The following NCKAP5L variants were observed in gnomAD, a reference collection of about 807,000 sequenced individuals.
NCKAP5L encodes the protein nck-associated protein 5-like.
NCKAP5L carries 54 observed loss-of-function variants against 103.2 expected under a neutral mutation model. That is an observed-to-expected ratio of 0.52 (90% CI 0.42 to 0.66). The LOEUF is 0.66. NCKAP5L is among the 30% of genes least tolerant of loss of function. The pLI, the probability that NCKAP5L is intolerant of heterozygous loss-of-function variation, is 0.00. For synonymous variants in NCKAP5L, 762 were observed against 748.6 expected (o/e 1.02, Z -0.29); for missense variants, 1,733 against 1,750.6 (o/e 0.99, Z 0.18).
chr12:49,793,220 G>A (rs1592745739), intron 10 of NCKAP5L, 132 bp downstream of exon 10: 3 of 941,828 alleles, frequency 3.2e-6, no homozygotes, highest in Admixed American at 4.3e-5. Context: ...TAGCTCCAGT[G>A]CCCACCTGGT....
chr12:49,792,983 C>A lies in NCKAP5L; in HGVS notation c.3344G>T (p.Cys1115Phe). ...GTCCAAGGTTCGAGTCAAGGAGCCA[C>A]AGGCTGGGGAGGGGAGGGGAGGGCC... is the stretch of plus-strand genomic sequence containing the variant. ...EPVPTSHFTA[C>F]GSLTRTLDSG... Residue 1115 changes from cysteine (C) to phenylalanine (F), a missense_variant, in exon 11 of 13, where the codon TGT becomes TTT. Transcript: ENST00000335999. This position sits in a 1 kb window ranked among gnomAD's most constrained non-coding sequence, Gnocchi z 4.5. 1 of 1,534,362 alleles carries A rather than the reference C, an allele frequency of 6.5e-7. No individual in the cohort carries two copies. Among genetic ancestry groups the A allele is most frequent in the Non-Finnish European group, 8.7e-7 (1 of 1,148,198 alleles).
intron 1 of NCKAP5L, among the ~76,000 whole-genome samples, chr12:49,819,936 C>T (rs1946342516): frequency 1.3e-5 from 2 of 152,230 alleles, no homozygotes; most frequent in African/African-American, 4.8e-5. Flanking sequence ...AGTGAGGAGG[C>T]AGAAACCTCT....
intron 1 of NCKAP5L, among the ~76,000 whole-genome samples, chr12:49,821,646 G>A (rs1946363362): frequency 6.6e-6 from 1 of 152,244 alleles, no homozygotes; most frequent in African/African-American, 2.4e-5. Flanking sequence ...TATAGCACAT[G>A]TCCTTTCTTT....
rs1945929331 is a variant in NCKAP5L at position 49,791,232 on chromosome 12, T to C, written c.*607A>G. ...AGCCGCATTTTAAACAACACATAAA[T>C]TAACCGCAGTGCGGGGCTGGGGGCT... is the stretch of plus-strand genomic sequence containing the variant. On this transcript the variant is annotated 3_prime_UTR_variant, in exon 13 of 13. Coordinates refer to ENST00000335999, the MANE Select transcript of NCKAP5L (RefSeq NM_001037806.4). The C allele has an allele frequency of 6.6e-6, 1 of 152,634 alleles. No individual in the cohort carries two copies. Among genetic ancestry groups the C allele is most frequent in the South Asian group, 2.1e-4 (1 of 4,850 alleles). 9.5% of individuals were successfully genotyped at this position (152,634 alleles called of 1,614,324 possible).
chr12:49,797,505 G>A lies in NCKAP5L; in HGVS notation c.466-111C>T, dbSNP rs1201562926. On this transcript the variant is annotated intron_variant, in intron 7 of 12. Coordinates refer to ENST00000335999, the MANE Select transcript of NCKAP5L (RefSeq NM_001037806.4). This position sits in a 1 kb window ranked among gnomAD's most constrained non-coding sequence, Gnocchi z 4.5. ...GGAATGCCAGGAACAGAGCTGGCCT[G>A]GTTGTGTCTGTGTCCCCAAAAGGAA... 20 of 782,112 alleles carry A rather than the reference G, an allele frequency of 2.6e-5. No homozygotes were observed. The East Asian group carries it at 5.4e-4, about 21-fold the overall frequency. The allele number at this position is 782,112 out of a possible 1,614,324, so 48.4% of individuals were successfully genotyped here.
At position 49,793,437 on chromosome 12, in the gene NCKAP5L, T is replaced by G; in HGVS notation, c.3259-4A>C. On this transcript the variant is annotated splice_region_variant and splice_polypyrimidine_tract_variant and intron_variant, in intron 9 of 12. Transcript: ENST00000335999. ...GCCTCCCTGGCTCGCTGCTCGGCTGTGTGGGATACAGGAGACCTCATAGTC... is the reference window on the plus strand; with the variant it reads ...GCCTCCCTGGCTCGCTGCTCGGCTGGGTGGGATACAGGAGACCTCATAGTC... 2 of 1,609,438 alleles carry G rather than the reference T, an allele frequency of 1.2e-6. No individual in the cohort carries two copies. The highest frequency in any genetic ancestry group is 1.3e-5 in the African/African-American group (1 of 75,014).
Position 49,797,205 on chromosome 12 carries a change from G to T in NCKAP5L, c.655C>A (p.Pro219Thr). 6.2e-7 allele frequency: 1 copy of T among 1,613,246 alleles called. No homozygotes were observed. The highest frequency in any genetic ancestry group is 8.5e-7 in the Non-Finnish European group (1 of 1,179,744). The change falls in exon 8 of 13, where the codon CCT becomes ACT. Residue 219 changes from proline (P) to threonine (T), a missense_variant. Transcript: ENST00000335999. The surrounding 1 kb of genome is among the most constrained non-coding windows in gnomAD (Gnocchi z 4.5). ...ATPWRPPGQG[P>T]GSPEPINGEL... Reference sequence around the variant, plus strand: ...CCGTTGATGGGCTCTGGGGAGCCAGGCCCCTGGCCTGGAGGCCGCCAGGGG... The same window carrying T: ...CCGTTGATGGGCTCTGGGGAGCCAGTCCCCTGGCCTGGAGGCCGCCAGGGG...
In NCKAP5L at chr12:49,802,771, C is replaced by T. The variant is rs572022846; in HGVS notation, c.231+187G>A. ...GAAGTCATGCTCAAATCAGTGACCACTGCTCAGAGACCTGGCCTTACCTAG... is the reference window on the plus strand; with the variant it reads ...GAAGTCATGCTCAAATCAGTGACCATTGCTCAGAGACCTGGCCTTACCTAG... On this transcript the variant is annotated intron_variant, in intron 5 of 12. Transcript: ENST00000335999. The T allele has an allele frequency of 4.4e-5, 28 of 641,638 alleles. No homozygotes were observed. The South Asian group carries it at 5.6e-4, about 13-fold the overall frequency. 39.7% of individuals were successfully genotyped at this position (641,638 alleles called of 1,614,324 possible).
chr12:49,811,800 C>A (rs895917220), intron 1 of NCKAP5L, among the ~76,000 whole-genome samples: 2 of 152,058 alleles, frequency 1.3e-5, no homozygotes, highest in African/African-American at 4.8e-5. Flanking sequence ...AAACAACAAT[C>A]TTTGCTTGAC....
chr12:49,814,107 C>T (rs1386321580), intron 1 of NCKAP5L, among the ~76,000 whole-genome samples: 1 of 151,472 alleles, frequency 6.6e-6, no homozygotes, highest in Non-Finnish European at 1.5e-5. Context: ...CTTTGCCCAG[C>T]CTAGTTTTCA....
At position 49,795,348 on chromosome 12, in the gene NCKAP5L, C is replaced by G; in HGVS notation, c.2512G>C (p.Glu838Gln). 6.5e-7 allele frequency: 1 copy of G among 1,542,072 alleles called. No individual in the cohort carries two copies. The highest frequency in any genetic ancestry group is 1.3e-5 in the South Asian group (1 of 77,244). ...PRPGAPLVTK[E>Q]SPKPDKGKGP... ...TTCCCTTTGTCAGGCTTGGGGGACT[C>G]CTTGGTGACTAGCGGAGCCCCAGGT... Residue 838 changes from glutamate to glutamine, a missense_variant, in exon 8 of 13, where the codon GAG becomes CAG. Transcript: ENST00000335999.
At chr12:49,811,634 C>T (rs1946241011) in intron 1 of NCKAP5L, among the ~76,000 whole-genome samples, 1 of 152,070 alleles carries the variant, frequency 6.6e-6, no homozygotes, top group African/African-American at 2.4e-5. Flanking sequence ...TCTCGTTGGG[C>T]ACAGTGGCTC....
At position 49,792,139 on chromosome 12, in the gene NCKAP5L, C is replaced by A; in HGVS notation, c.3793-88G>T. On this transcript the variant is annotated intron_variant, in intron 12 of 12. Coordinates refer to ENST00000335999, the MANE Select transcript of NCKAP5L (RefSeq NM_001037806.4). The surrounding 1 kb of genome is among the most constrained non-coding windows in gnomAD (Gnocchi z 4.5). The stretch of plus-strand genomic sequence containing the variant: ...CACTGAGCTCTGAGGGGCGTCTGTG[C>A]ACCTGATGGGGGGCTGCTCCAGAGG... 1 of 1,248,540 alleles carries A rather than the reference C, an allele frequency of 8.0e-7. No homozygotes were observed. The highest frequency in any genetic ancestry group is 1.5e-5 in the South Asian group (1 of 68,040). 77.3% of individuals were successfully genotyped at this position (1,248,540 alleles called of 1,614,324 possible).
intron 2 of NCKAP5L, chr12:49,805,195 C>A (rs1946166735): frequency 6.6e-6 from 1 of 152,402 alleles, no homozygotes; most frequent in South Asian, 2.1e-4. Context: ...GCCTCCCCCA[C>A]CAGACAGTCA....
chr12:49,803,919 C>T lies in NCKAP5L; in HGVS notation c.123+3G>A. On this transcript the variant is annotated splice_donor_region_variant and intron_variant, in intron 3 of 12. Transcript: ENST00000335999. ...GCTGCCCCTACCACGCCCCATGCCG[C>T]ACCTCCAGCTCCCGCAGTCGGTGCA... 6.2e-7 allele frequency: 1 copy of T among 1,606,052 alleles called. No homozygotes were observed. The highest frequency in any genetic ancestry group is 8.5e-7 in the Non-Finnish European group (1 of 1,179,762).
intron 6 of NCKAP5L, 48 bp downstream of exon 6, chr12:49,801,800 G>C: frequency 1.2e-6 from 2 of 1,607,106 alleles, no homozygotes; most frequent in South Asian, 2.2e-5. Flanking sequence ...ATGGAGCCGA[G>C]GAGGCAGGAG....
Position 49,797,194 on chromosome 12 carries a change from T to C in NCKAP5L, c.666A>G (p.Pro222=), listed in dbSNP as rs369702474. ...CACACAGCTCGCCGTTGATGGGCTC[T>C]GGGGAGCCAGGCCCCTGGCCTGGAG... is the stretch of plus-strand genomic sequence containing the variant. ...WRPPGQGPGS[P]EPINGELCGP... Residue 222 remains proline, a synonymous_variant, in exon 8 of 13, where the codon CCA becomes CCG. Coordinates refer to ENST00000335999, the MANE Select transcript of NCKAP5L (RefSeq NM_001037806.4). This position sits in a 1 kb window ranked among gnomAD's most constrained non-coding sequence, Gnocchi z 4.5. 631 of 1,612,722 alleles carry C rather than the reference T, an allele frequency of 3.9e-4. 7 individuals carry two copies. Among genetic ancestry groups the C allele is most frequent in the South Asian group, 8.5e-4 (77 of 90,988 alleles).
rs768674413 is a variant in NCKAP5L at position 49,795,021 on chromosome 12, C to G, written c.2839G>C (p.Gly947Arg). The change falls in exon 8 of 13, where the codon GGC (glycine) becomes CGC (arginine). Residue 947 changes from glycine to arginine, a missense_variant. Transcript: ENST00000335999. ...TTGACTTCCCTCCGGAGCGGGGAGCCCCCGCCAGCCCCCTCCTTGTTCTTG... is the reference window on the plus strand; with the variant it reads ...TTGACTTCCCTCCGGAGCGGGGAGCGCCCGCCAGCCCCCTCCTTGTTCTTG... ...ATKNKEGAGGGSPLRREVKME... is the reference protein window; with the variant it reads ...ATKNKEGAGGRSPLRREVKME... The G allele has an allele frequency of 4.4e-6, 7 of 1,606,100 alleles. No individual in the cohort carries two copies. In the Admixed American group the frequency reaches 1.2e-4, roughly 27 times the overall value.
intron 1 of NCKAP5L, among the ~76,000 whole-genome samples, chr12:49,810,603 G>A (rs1946229427): frequency 6.6e-6 from 1 of 152,156 alleles, no homozygotes; most frequent in Non-Finnish European, 1.5e-5. Flanking sequence ...TCTCCTGAGT[G>A]TACAGTGGCA....
Sources: gnomAD v4.1 joint callset for allele counts (sites outside exome capture counted in the v4.1 genomes callset) on GRCh38, gnomAD v4.1.1 for gene constraint, Gnocchi (gnomAD v3.1) non-coding constraint, MANE v1.5 for transcripts, NCBI Gene and HGNC (gene_info 2026-07-23, HGNC 2026-07-21) for gene names.